Variants in EIF4EBP1 observed in about 807,000 individuals in gnomAD.
EIF4EBP1 encodes eukaryotic translation initiation factor 4E-binding protein 1.
Under a neutral mutation model 9.2 loss-of-function variants are expected in EIF4EBP1, and 5 were observed. The ratio of observed to expected loss-of-function variants is 0.54; its 90% CI spans 0.28 to 1.14. The LOEUF is 1.14. Ranked by LOEUF, EIF4EBP1 falls within the 50% of genes most tolerant of loss-of-function variation. The probability of loss-of-function intolerance (pLI) is 0.09; values close to 1 mark genes in which losing one functional copy is unlikely to be tolerated. For missense variants in EIF4EBP1, 139 were observed against 169.6 expected (o/e 0.82, Z 1.00); for synonymous variants, 62 against 67.0 (o/e 0.93, Z 0.36).
intron 1 of EIF4EBP1, among the ~76,000 whole-genome samples, chr8:38,034,342 C>G (rs1809271536): frequency 6.6e-6 from 1 of 152,136 alleles, no homozygotes; most frequent in Admixed American, 6.6e-5. Flanking sequence ...GTCACCTCAC[C>G]TGGCCTCCAG....
At chr8:38,055,744 C>T (rs1809585666) in intron 1 of EIF4EBP1, among the ~76,000 whole-genome samples, 1 of 152,042 alleles carries the variant, frequency 6.6e-6, no homozygotes, top group African/African-American at 2.4e-5. Flanking sequence ...CACCTGTAAT[C>T]CCAGCACTTT....
At chr8:38,057,042 G>C (rs1016012127) in intron 1 of EIF4EBP1, 39 bp from the exon 2 acceptor site, 1 of 1,590,910 alleles carries the variant, frequency 6.3e-7, no homozygotes, top group African/African-American at 1.4e-5. Context: ...CAGGCAAGAG[G>C]CTGCAGATGG....
chr8:38,053,064 G>A (rs886686552), intron 1 of EIF4EBP1, among the ~76,000 whole-genome samples: 3 of 152,154 alleles, frequency 2.0e-5, no homozygotes, highest in East Asian at 1.9e-4. Context: ...TGTTGCCCAG[G>A]CTGGAGTGTA....
intron 2 of EIF4EBP1, among the ~76,000 whole-genome samples, chr8:38,058,242 G>A (rs1809623761): frequency 6.6e-6 from 1 of 152,182 alleles, no homozygotes; most frequent in Non-Finnish European, 1.5e-5. Context: ...AGTTCTAGAG[G>A]CTGGGAAGGC....
In EIF4EBP1 at chr8:38,060,256, G is replaced by A. The variant is rs921112776; in HGVS notation, c.*321G>A. The A allele has an allele frequency of 4.5e-4, 87 of 194,582 alleles. No homozygotes were observed. The highest frequency in any genetic ancestry group is 4.0e-3 in the African/African-American group (72 of 18,012). The allele number at this position is 194,582 out of a possible 1,614,324, so 12.1% of individuals were successfully genotyped here. On this transcript the variant is annotated 3_prime_UTR_variant, in exon 3 of 3. Coordinates refer to ENST00000338825, the MANE Select transcript of EIF4EBP1 (RefSeq NM_004095.4). Reference sequence around the variant, plus strand: ...GAATGATCAGCAGTTCCAGCCCCTCGCTGCTGGGGGCGCAACCACCCCTTC... The same window carrying A: ...GAATGATCAGCAGTTCCAGCCCCTCACTGCTGGGGGCGCAACCACCCCTTC...
At chr8:38,040,991 G>A (rs762850382) in intron 1 of EIF4EBP1, among the ~76,000 whole-genome samples, 1 of 152,118 alleles carries the variant, frequency 6.6e-6, no homozygotes, top group South Asian at 2.1e-4. Flanking sequence ...GTAGAGACAG[G>A]GTTTTACCAT....
chr8:38,053,969 T>C (rs1585530920), intron 1 of EIF4EBP1, among the ~76,000 whole-genome samples: 1 of 152,028 alleles, frequency 6.6e-6, no homozygotes, highest in Non-Finnish European at 1.5e-5. Context: ...TGATTGGCGG[T>C]GATGGTAGCA....
intron 1 of EIF4EBP1, among the ~76,000 whole-genome samples, chr8:38,050,640 T>G (rs1300744658): frequency 6.6e-6 from 1 of 152,046 alleles, no homozygotes; most frequent in Non-Finnish European, 1.5e-5. Context: ...AAAGACAGGG[T>G]CTCGCTCTTT....
intron 1 of EIF4EBP1, among the ~76,000 whole-genome samples, chr8:38,041,248 C>A (rs575934557): frequency 6.6e-6 from 1 of 152,046 alleles, no homozygotes; most frequent in Non-Finnish European, 1.5e-5. Context: ...ATTACAGGCA[C>A]CTGCCACCAC....
At chr8:38,052,087 C>T (rs1418406533) in intron 1 of EIF4EBP1, among the ~76,000 whole-genome samples, 1 of 152,174 alleles carries the variant, frequency 6.6e-6, no homozygotes, top group Non-Finnish European at 1.5e-5. Flanking sequence ...GATGCCACTC[C>T]ACCTGCTGAA....
At chr8:38,042,162 C>T (rs1398911800) in intron 1 of EIF4EBP1, among the ~76,000 whole-genome samples, 3 of 152,190 alleles carry the variant, frequency 2.0e-5, no homozygotes, top group African/African-American at 4.8e-5. Flanking sequence ...GAGGAGCCCA[C>T]ACCTGCCCTG....
intron 1 of EIF4EBP1, among the ~76,000 whole-genome samples, chr8:38,043,869 C>G (rs988270358): frequency 4.6e-5 from 7 of 152,088 alleles, no homozygotes; most frequent in South Asian, 2.1e-4. Flanking sequence ...AGGATTTCCA[C>G]CCCGGCAGTT....
At chr8:38,031,870 T>G (rs1230157490) in intron 1 of EIF4EBP1, among the ~76,000 whole-genome samples, 4 of 152,210 alleles carry the variant, frequency 2.6e-5, no homozygotes, top group Non-Finnish European at 5.9e-5. Context: ...GTCACACCGT[T>G]TTCCCAGATT....
At chr8:38,056,938 TG>T in intron 1 of EIF4EBP1, 142 bp from the exon 2 acceptor site, 1 of 795,996 alleles carries the variant, frequency 1.3e-6, no homozygotes, top group Non-Finnish European at 2.0e-6. Flanking sequence ...GCTGGGATTA[TG>T]GGCATGAGCC....
Position 38,060,098 on chromosome 8 carries a change from T to C in EIF4EBP1, c.*163T>C. 1 of 702,300 alleles carries C rather than the reference T, an allele frequency of 1.4e-6. No individual in the cohort carries two copies. Among genetic ancestry groups the C allele is most frequent in the Non-Finnish European group, 2.6e-6 (1 of 390,628 alleles). 43.5% of individuals were successfully genotyped at this position (702,300 alleles called of 1,614,324 possible). Reference sequence around the variant, plus strand: ...CTCACTCAGGGCACCTGCCCCCTCCTCTTCGTGAACACCAGCAGATACCTC... The same window carrying C: ...CTCACTCAGGGCACCTGCCCCCTCCCCTTCGTGAACACCAGCAGATACCTC... On this transcript the variant is annotated 3_prime_UTR_variant, in exon 3 of 3. Transcript: ENST00000338825.
chr8:38,033,140 C>G (rs1442921322), intron 1 of EIF4EBP1, among the ~76,000 whole-genome samples: 1 of 149,186 alleles, frequency 6.7e-6, no homozygotes, highest in African/African-American at 2.5e-5. Context: ...TCTCAGCTCA[C>G]AGCAACCTCC....
At chr8:38,037,971 G>T (rs1007775481) in intron 1 of EIF4EBP1, among the ~76,000 whole-genome samples, 2 of 151,210 alleles carry the variant, frequency 1.3e-5, no homozygotes, top group East Asian at 2.0e-4. Flanking sequence ...ACAGAGTTTT[G>T]TCATGTTGCC....
intron 1 of EIF4EBP1, among the ~76,000 whole-genome samples, chr8:38,033,906 C>A (rs946270778): frequency 6.6e-6 from 1 of 151,950 alleles, no homozygotes; most frequent in Non-Finnish European, 1.5e-5. Flanking sequence ...GCGATCAAGC[C>A]CGGCTGATTT....
At chr8:38,045,382 A>G (rs1247742905) in intron 1 of EIF4EBP1, among the ~76,000 whole-genome samples, 2 of 152,148 alleles carry the variant, frequency 1.3e-5, no homozygotes, top group African/African-American at 4.8e-5. Flanking sequence ...AGCCTAGTAC[A>G]ATGCCGTTGT....
Sources: gnomAD v4.1 joint callset for allele counts (sites outside exome capture counted in the v4.1 genomes callset) on GRCh38, gnomAD v4.1.1 for gene constraint, MANE v1.5 for transcripts, NCBI Gene and HGNC (gene_info 2026-07-23, HGNC 2026-07-21) for gene names.